The following LRP1 variants were observed in gnomAD, a reference collection of about 807,000 sequenced individuals.
The protein encoded by LRP1 is prolow-density lipoprotein receptor-related protein 1.
In LRP1, 51 loss-of-function variants were observed where a neutral mutation model predicts 541.5. That is an observed-to-expected ratio of 0.09 (90% confidence interval 0.08 to 0.12). The LOEUF is 0.12. Among genes scored for constraint, LRP1 ranks in the 10% least tolerant of loss-of-function variants. The pLI, the probability that LRP1 is intolerant of heterozygous loss-of-function variation, is 1.00. For synonymous variants in LRP1, 2,219 were observed against 2,470.8 expected, an observed-to-expected ratio of 0.90 and a Z score of 3.02; for missense variants, 3,878 against 6,376.2, an observed-to-expected ratio of 0.61 and a Z score of 13.34.
intron 4 of LRP1, among the ~76,000 whole-genome samples, chr12:57,144,301 T>G (rs1198355068): frequency 6.6e-6 from 1 of 150,884 alleles, no homozygotes; most frequent in Non-Finnish European, 1.5e-5. Context: ...TGTTCCACAA[T>G]TTTTTTTTCT....
At position 57,211,304 on chromosome 12, in the gene LRP1, G is replaced by A. The variant is rs754437157; in HGVS notation, c.13045G>A (p.Glu4349Lys). 5.6e-6 allele frequency: 9 copies of A among 1,614,052 alleles called. No homozygotes were observed. Among genetic ancestry groups the A allele is most frequent in the South Asian group, 2.2e-5 (2 of 91,088 alleles). ...CEVNKCSRCLEGACVVNKQSG... is the reference protein window; with the variant it reads ...CEVNKCSRCLKGACVVNKQSG... ...GGTGAACAAGTGCAGCCGCTGTCTC[G>A]AAGGGGCCTGTGTGGTCAACAAGCA... Residue 4349 changes from glutamate to lysine, a missense_variant, in exon 84 of 89, where the codon GAA becomes AAA. By Grantham distance (56) the Glu-to-Lys change is moderately conservative. This residue lies in a region of LRP1 where 871 missense variants were observed against 1,212.4 expected (regional missense o/e 0.72). Coordinates refer to ENST00000243077, the MANE Select transcript of LRP1 (RefSeq NM_002332.3). This position sits in a 1 kb window ranked among gnomAD's most constrained non-coding sequence, Gnocchi z 4.3.
chr12:57,143,777 G>C lies in LRP1; in HGVS notation c.427G>C (p.Ala143Pro), dbSNP rs1195091221. ...CTGCAACAGCAGCTTTCAGCTTCAG[G>C]CAGATGGCAAGACCTGCAAAGGTAT... The part of the protein sequence containing the change: ...CYCNSSFQLQ[A>P]DGKTCKDFDE... The change falls in exon 4 of 89, where the codon GCA (alanine) becomes CCA (proline). Residue 143 changes from alanine (A) to proline (P), a missense_variant. Ala to Pro is a conservative substitution (Grantham distance 27). Transcript: ENST00000243077. 6.2e-7 allele frequency: 1 copy of C among 1,614,022 alleles called. No homozygotes were observed.
chr12:57,165,785 C>T lies in LRP1; in HGVS notation c.2531-20C>T, dbSNP rs12369345. On this transcript the variant is annotated intron_variant, in intron 15 of 88. Transcript: ENST00000243077. This position sits in a 1 kb window ranked among gnomAD's most constrained non-coding sequence, Gnocchi z 4.5. Reference sequence around the variant, plus strand: ...GACCGGGGTCTGACTTTCCCCCTCACGATCCTGTGGTGCCCACAGCGAACC... The same window carrying T: ...GACCGGGGTCTGACTTTCCCCCTCATGATCCTGTGGTGCCCACAGCGAACC... The T allele has an allele frequency of 4.9e-3, 7,899 of 1,606,110 alleles. 29 individuals carry two copies. Among genetic ancestry groups the T allele is most frequent in the Non-Finnish European group, 6.1e-3 (7,144 of 1,173,102 alleles).
chr12:57,194,836 C>A, intron 50 of LRP1, 137 bp downstream of exon 50: 2 of 1,248,430 alleles, frequency 1.6e-6, no homozygotes, highest in South Asian at 2.7e-5. Context: ...CTCTTGAGGT[C>A]AGACTCAGAG....
Position 57,205,215 on chromosome 12 carries a change from C to T in LRP1, c.11301C>T (p.Cys3767=), listed in dbSNP as rs767266096. 4.6e-5 allele frequency: 74 copies of T among 1,613,658 alleles called. No individual in the cohort carries two copies. Among genetic ancestry groups the T allele is most frequent in the East Asian group, 1.8e-4 (8 of 44,894 alleles). The change falls in exon 73 of 89, where the codon TGC becomes TGT. Residue 3767 remains cysteine (C), a synonymous_variant. Transcript: ENST00000243077. This position sits in a 1 kb window ranked among gnomAD's most constrained non-coding sequence, Gnocchi z 4.6. The part of the protein sequence containing the change: ...SSLRCNMFDD[C]GDGSDEEDCS... ...TGCGCTGCAACATGTTCGATGACTG[C>T]GGGGACGGCTCTGACGAGGAGGACT...
intron 22 of LRP1, among the ~76,000 whole-genome samples, chr12:57,174,564 C>T (rs545980745): frequency 2.6e-5 from 4 of 152,258 alleles, no homozygotes; most frequent in Non-Finnish European, 5.9e-5. Flanking sequence ...CACTTGAGCT[C>T]AGGAATTTGA....
chr12:57,161,138 G>C (rs1221180686), intron 13 of LRP1, 23 bp downstream of exon 13: 6 of 1,605,630 alleles, frequency 3.7e-6, no homozygotes, highest in Non-Finnish European at 4.2e-6. Context: ...GTGCCTGTGT[G>C]GGGGAATCTG....
At chr12:57,174,717 A>AT (rs1275225289) in intron 22 of LRP1, among the ~76,000 whole-genome samples, 1 of 152,184 alleles carries the variant, frequency 6.6e-6, no homozygotes, top group East Asian at 1.9e-4. Context: ...GTGAGCCAAC[A>AT]TCCTGCCACT....
chr12:57,143,867 CAG>C, intron 4 of LRP1, 69 bp downstream of exon 4: 1 of 1,524,680 alleles, frequency 6.6e-7, no homozygotes, highest in Non-Finnish European at 8.9e-7. Context: ...CAGGGAGGGG[CAG>C]AGAGGGGTAG....
At chr12:57,138,407 C>T in intron 1 of LRP1, 52 bp from the exon 2 acceptor site, 2 of 1,600,300 alleles carry the variant, frequency 1.2e-6, no homozygotes, top group South Asian at 2.2e-5. Flanking sequence ...TTTGGGTTCA[C>T]AGAGTTGGCC....
chr12:57,129,375 C>T (rs1422553306), intron 1 of LRP1, among the ~76,000 whole-genome samples: 2 of 152,184 alleles, frequency 1.3e-5, no homozygotes, highest in African/African-American at 4.8e-5. Flanking sequence ...CACAACCCCC[C>T]ACCCCCCATC....
chr12:57,167,984 G>A (rs2035872737), intron 19 of LRP1, among the ~76,000 whole-genome samples: 1 of 152,248 alleles, frequency 6.6e-6, no homozygotes, highest in African/African-American at 2.4e-5. Context: ...GGGCTAGTAT[G>A]TGTGTAAATG....
In LRP1 at chr12:57,199,336, C is replaced by T; in HGVS notation, c.9801C>T (p.Leu3267=). ...AGACCACGGGCACCAACAAAACGCT[C>T]CTCATCAGCACGCTGCACCGGCCCA... The part of the protein sequence containing the change: ...AHKTTGTNKT[L]LISTLHRPMD... The change falls in exon 61 of 89, where the codon CTC becomes CTT. Residue 3267 remains leucine, a synonymous_variant. Coordinates refer to ENST00000243077, the MANE Select transcript of LRP1 (RefSeq NM_002332.3). 6.2e-7 allele frequency: 1 copy of T among 1,613,462 alleles called. No homozygotes were observed. The highest frequency in any genetic ancestry group is 8.5e-7 in the Non-Finnish European group (1 of 1,179,972).
rs1592599675 is a variant in LRP1 at position 57,136,395 on chromosome 12, G to A, written c.68-2064G>A. Among the ~76,000 whole-genome samples, 6 of 99,124 alleles carry A rather than the reference G, an allele frequency of 6.1e-5. No individual in the cohort carries two copies. The South Asian group carries it at 1.7e-3, about 28-fold the overall frequency. 65.0% of individuals were successfully genotyped at this position (99,124 alleles called of 152,430 possible). ...CCATCAGACTCCCTCCCTCCTAAGA[G>A]CCCCCCCCCCCCGCCATTTTCCTTA... On this transcript the variant is annotated intron_variant, in intron 1 of 88. Coordinates refer to ENST00000243077, the MANE Select transcript of LRP1 (RefSeq NM_002332.3).
At chr12:57,151,161 A>G (rs914391613) in intron 6 of LRP1, among the ~76,000 whole-genome samples, 8 of 152,286 alleles carry the variant, frequency 5.3e-5, no homozygotes, top group African/African-American at 1.9e-4. Context: ...TGTTTGGGAA[A>G]GCAGCCACCA....
At chr12:57,191,114 G>A in intron 43 of LRP1, 105 bp downstream of exon 43, 1 of 1,290,498 alleles carries the variant, frequency 7.7e-7, no homozygotes, top group Non-Finnish European at 1.1e-6. Context: ...GGGAACAGCT[G>A]GGAGGAGGTG....
chr12:57,199,262 T>C lies in LRP1; in HGVS notation c.9727T>C (p.Tyr3243His). 1.2e-6 allele frequency: 2 copies of C among 1,613,972 alleles called. No homozygotes were observed. The highest frequency in any genetic ancestry group is 1.7e-6 in the Non-Finnish European group (2 of 1,179,986). The change falls in exon 61 of 89, where the codon TAC (tyrosine) becomes CAC (histidine). Residue 3243 changes from tyrosine to histidine, a missense_variant. Physicochemically the swap from Tyr to His is moderately conservative, Grantham distance 83. Around this residue, in one of 13 missense-constraint regions of LRP1, gnomAD observed 1,100 missense variants for 1,827.4 expected, o/e 0.60. Transcript: ENST00000243077. ...CTTTGCACTGACCCTGTTTGAGGACTACGTCTACTGGACCGACTGGGAAAC... is the reference window on the plus strand; with the variant it reads ...CTTTGCACTGACCCTGTTTGAGGACCACGTCTACTGGACCGACTGGGAAAC... ...HIFALTLFED[Y>H]VYWTDWETKS... is the part of the protein sequence containing the mutation.
rs549991538 is a variant in LRP1 at position 57,211,445 on chromosome 12, C to A, written c.13092-42C>A. 1 of 1,610,296 alleles carries A rather than the reference C, an allele frequency of 6.2e-7. No homozygotes were observed. The highest frequency in any genetic ancestry group is 1.7e-5 in the Admixed American group (1 of 60,002). The stretch of plus-strand genomic sequence containing the variant: ...TCCCTTCCTCAGCATCCCAGGCACG[C>A]CTCTGCCAGCCCCAGCCCCAGCCTC... On this transcript the variant is annotated intron_variant, in intron 84 of 88. Transcript: ENST00000243077. The surrounding 1 kb of genome is among the most constrained non-coding windows in gnomAD (Gnocchi z 4.3).
chr12:57,178,235 G>T lies in LRP1; in HGVS notation c.4362-124G>T. On this transcript the variant is annotated intron_variant, in intron 26 of 88. Coordinates refer to ENST00000243077, the MANE Select transcript of LRP1 (RefSeq NM_002332.3). This position sits in a 1 kb window ranked among gnomAD's most constrained non-coding sequence, Gnocchi z 5.8. ...GCTCTGGCCAGCAAGGCTTAGGGGAGGGAATGGTCCCATGCTCTTCGCTGG... is the reference window on the plus strand; with the variant it reads ...GCTCTGGCCAGCAAGGCTTAGGGGATGGAATGGTCCCATGCTCTTCGCTGG... The T allele has an allele frequency of 8.7e-7, 1 of 1,149,408 alleles. No individual in the cohort carries two copies. Among genetic ancestry groups the T allele is most frequent in the Non-Finnish European group, 1.2e-6 (1 of 814,320 alleles). 71.2% of individuals were successfully genotyped at this position (1,149,408 alleles called of 1,614,324 possible).
Sources: gnomAD v4.1 joint callset for allele counts (sites outside exome capture counted in the v4.1 genomes callset) on GRCh38, gnomAD v4.1.1 for gene constraint, gnomAD v4.1.1 regional missense constraint, Gnocchi (gnomAD v3.1) non-coding constraint, MANE v1.5 for transcripts, NCBI Gene and HGNC (gene_info 2026-07-23, HGNC 2026-07-21) for gene names.